Variants in NECTIN2 observed in about 807,000 individuals in gnomAD.
The protein encoded by NECTIN2 is nectin cell adhesion molecule 2.
In NECTIN2, 23 loss-of-function variants were observed where a neutral mutation model predicts 56.9. The ratio of observed to expected loss-of-function variants is 0.40; its 90% CI spans 0.29 to 0.57. NECTIN2 has a LOEUF of 0.57. Ranked by LOEUF, NECTIN2 falls within the 20% of genes least tolerant of loss-of-function variation. The probability of loss-of-function intolerance (pLI) is 0.38; values close to 1 mark genes in which losing one functional copy is unlikely to be tolerated. For missense variants in NECTIN2, 587 were observed against 718.3 expected, an observed-to-expected ratio of 0.82 and a Z score of 2.09; for synonymous variants, 302 against 313.8, an observed-to-expected ratio of 0.96 and a Z score of 0.40.
chr19:44,849,193 T>G (rs1968872701), intron 1 of NECTIN2, among the ~76,000 whole-genome samples: 15 of 143,730 alleles, frequency 1.0e-4, no homozygotes, highest in East Asian at 2.0e-4. Flanking sequence ...AGAAGGGGAG[T>G]GAAATGCCGG....
chr19:44,847,706 T>C (rs1315754848), intron 1 of NECTIN2, among the ~76,000 whole-genome samples: 2 of 152,100 alleles, frequency 1.3e-5, no homozygotes, highest in Non-Finnish European at 2.9e-5. Flanking sequence ...GGTTTCACTC[T>C]CGCCGAGCCA....
chr19:44,869,135 T>C (rs1301791883), intron 2 of NECTIN2, among the ~76,000 whole-genome samples: 1 of 151,810 alleles, frequency 6.6e-6, no homozygotes, highest in Non-Finnish European at 1.5e-5. Flanking sequence ...CTCCCCACCC[T>C]CACAAACGCC....
At chr19:44,855,333 G>A (rs919189164) in intron 1 of NECTIN2, among the ~76,000 whole-genome samples, 2 of 151,608 alleles carry the variant, frequency 1.3e-5, no homozygotes, top group African/African-American at 4.9e-5. Context: ...GCTGAGGCAG[G>A]AGAATGGCAT....
rs1969381855 is a variant in NECTIN2, at chr19:44,888,171, G to A, written c.1409G>A (p.Gly470Glu). ...LEERSGPLHPGATSLGSPIPV... is the reference protein window; with the variant it reads ...LEERSGPLHPEATSLGSPIPV... Reference sequence around the variant, plus strand: ...GAACGGTCAGGACCCTTGCACCCTGGAGCCACAAGCCTGGGGTCCCCCATC... The same window carrying A: ...GAACGGTCAGGACCCTTGCACCCTGAAGCCACAAGCCTGGGGTCCCCCATC... The change falls in exon 9 of 9, where the codon GGA becomes GAA. Residue 470 changes from glycine to glutamate, a missense_variant. Coordinates refer to ENST00000252483, the MANE Select transcript of NECTIN2 (RefSeq NM_001042724.2). 2 of 1,614,056 alleles carry A rather than the reference G, an allele frequency of 1.2e-6. No individual in the cohort carries two copies. Among genetic ancestry groups the A allele is most frequent in the African/African-American group, 1.3e-5 (1 of 74,916 alleles).
rs770845559 is a variant in NECTIN2 at position 44,886,116 on chromosome 19, C to T, written c.1261-17C>T. The T allele has an allele frequency of 6.2e-7, 1 of 1,602,810 alleles. No individual in the cohort carries two copies. The highest frequency in any genetic ancestry group is 1.1e-5 in the South Asian group (1 of 90,732). ...GTGGGGGCAGTTCCTGACCTCCCCG[C>T]CCCTCTCCCACTACAGCCCTCCCAG... On this transcript the variant is annotated splice_polypyrimidine_tract_variant and intron_variant, in intron 7 of 8. Coordinates refer to ENST00000252483, the MANE Select transcript of NECTIN2 (RefSeq NM_001042724.2).
intron 1 of NECTIN2, among the ~76,000 whole-genome samples, chr19:44,864,543 G>A (rs1041830325): frequency 2.6e-5 from 4 of 151,874 alleles, no homozygotes; most frequent in Non-Finnish European, 4.4e-5. Context: ...CCTGGTGGCC[G>A]GGCGCGGTGG....
intron 5 of NECTIN2, among the ~76,000 whole-genome samples, chr19:44,879,974 C>T (rs1969289897): frequency 6.6e-6 from 1 of 152,112 alleles, no homozygotes; most frequent in African/African-American, 2.4e-5. Flanking sequence ...GTGTGTGGAC[C>T]GAGGGGCAGT....
Position 44,874,711 on chromosome 19 carries a change from T to C in NECTIN2, c.1042+233T>C. 1 of 534,308 alleles carries C rather than the reference T, an allele frequency of 1.9e-6. No homozygotes were observed. The highest frequency in any genetic ancestry group is 3.4e-6 in the Non-Finnish European group (1 of 297,474). 33.1% of individuals were successfully genotyped at this position (534,308 alleles called of 1,614,324 possible). On this transcript the variant is annotated intron_variant, in intron 5 of 8. Coordinates refer to ENST00000252483, the MANE Select transcript of NECTIN2 (RefSeq NM_001042724.2). This position sits in a 1 kb window ranked among gnomAD's most constrained non-coding sequence, Gnocchi z 6.3. ...AGCAGAGTTGGGGGGTTGAGGACTT[T>C]GCTCGGGGTTCCTAGAAAGTAGAGG... is the stretch of plus-strand genomic sequence containing the variant.
At chr19:44,853,749 A>C (rs1457866597) in intron 1 of NECTIN2, among the ~76,000 whole-genome samples, 1 of 152,208 alleles carries the variant, frequency 6.6e-6, no homozygotes, top group East Asian at 1.9e-4. Context: ...GGCCTCCCAA[A>C]GTGTTGGAAT....
At chr19:44,847,386 T>C (rs748928902) in intron 1 of NECTIN2, among the ~76,000 whole-genome samples, 7 of 152,006 alleles carry the variant, frequency 4.6e-5, no homozygotes, top group African/African-American at 9.6e-5. Flanking sequence ...CTGGATTTAA[T>C]TGTGGGCAGG....
chr19:44,883,566 C>A (rs980210810), intron 6 of NECTIN2, among the ~76,000 whole-genome samples: 5 of 152,222 alleles, frequency 3.3e-5, no homozygotes, highest in Non-Finnish European at 7.3e-5. Context: ...TGAGCCACTG[C>A]GCCCAGCCAA....
chr19:44,869,559 C>T (rs1053810021), intron 2 of NECTIN2, among the ~76,000 whole-genome samples: 4 of 145,144 alleles, frequency 2.8e-5, no homozygotes, highest in Non-Finnish European at 6.0e-5. Context: ...CATCACTGCA[C>T]TCCAGCCTGG....
intron 1 of NECTIN2, among the ~76,000 whole-genome samples, chr19:44,851,876 C>T (rs1968903005): frequency 6.6e-6 from 1 of 152,230 alleles, no homozygotes; most frequent in South Asian, 2.1e-4. Flanking sequence ...CTCCACCTGA[C>T]ATGCAGAGCG....
intron 6 of NECTIN2, among the ~76,000 whole-genome samples, chr19:44,885,456 C>T (rs1292816564): frequency 2.0e-5 from 3 of 151,858 alleles, no homozygotes; most frequent in Non-Finnish European, 4.4e-5. Context: ...GGATTACAGG[C>T]GTGCACCATC....
chr19:44,871,677 A>G (rs1300836202), intron 2 of NECTIN2, among the ~76,000 whole-genome samples, 176 bp from the exon 3 acceptor site: 1 of 152,194 alleles, frequency 6.6e-6, no homozygotes, highest in Non-Finnish European at 1.5e-5. Flanking sequence ...CATTTTACAA[A>G]ACAAGAAACA....
intron 1 of NECTIN2, among the ~76,000 whole-genome samples, chr19:44,859,510 G>A (rs1439509989): frequency 6.6e-6 from 1 of 152,082 alleles, no homozygotes; most frequent in Admixed American, 6.6e-5. Context: ...ATTTGTTCTT[G>A]TTCTTGTTTA....
intron 1 of NECTIN2, among the ~76,000 whole-genome samples, chr19:44,852,075 C>T (rs1315994330): frequency 7.0e-6 from 1 of 143,716 alleles, no homozygotes; most frequent in Non-Finnish European, 1.5e-5. Context: ...GGCGCCTCCC[C>T]CCGAGACCCC....
intron 3 of NECTIN2, among the ~76,000 whole-genome samples, chr19:44,873,213 C>T (rs1278852298): frequency 2.0e-5 from 3 of 152,170 alleles, no homozygotes; most frequent in Admixed American, 2.0e-4. Flanking sequence ...CCAGCTCCCC[C>T]AGGCAACATG....
intron 5 of NECTIN2, among the ~76,000 whole-genome samples, chr19:44,876,309 AC>A (rs3837923): frequency 0.34 from 50,906 of 151,422 alleles, 9,219 homozygotes; most frequent in East Asian, 0.69. Context: ...TACCCCAGAT[AC>A]ACCTGACAAG....
Sources: allele counts gnomAD v4.1 joint callset (sites outside exome capture counted in the v4.1 genomes callset), GRCh38; gene constraint gnomAD v4.1.1; non-coding constraint Gnocchi (gnomAD v3.1); transcripts MANE v1.5; gene names NCBI Gene and HGNC (gene_info 2026-07-23, HGNC 2026-07-21).